Variants in ELAVL2 observed in about 807,000 individuals in gnomAD.
ELAVL2 encodes ELAV like RNA binding protein 2.
ELAVL2 carries 4 observed loss-of-function variants against 34.6 expected under a neutral mutation model. The observed-to-expected ratio is 0.12, with a 90% CI of 0.06 to 0.26. The LOEUF (loss-of-function observed/expected upper bound fraction) is 0.26, where lower values mean the gene tolerates loss of function less well. Among genes scored for constraint, ELAVL2 ranks in the 10% least tolerant of loss-of-function variants. The pLI is 1.00. For synonymous variants in ELAVL2, 193 were observed against 154.8 expected, an observed-to-expected ratio of 1.25 and a Z score of -1.83; for missense variants, 432 against 442.8, an observed-to-expected ratio of 0.98 and a Z score of 0.22.
At chr9:23,833,359 G>C in the ELAVL2 span, among the ~76,000 whole-genome samples, 1 of 151,702 alleles carries the variant, frequency 6.6e-6, no homozygotes, top group African/African-American at 2.4e-5. Context: ...CTTAAGCTAT[G>C]ATTTTTATTT....
chr9:23,762,606 T>C (rs1489176606), intron 1 of ELAVL2, among the ~76,000 whole-genome samples: 1 of 151,906 alleles, frequency 6.6e-6, no homozygotes, highest in Non-Finnish European at 1.5e-5. Flanking sequence ...TAACTAAAAA[T>C]CATACTAGAA....
chr9:23,743,602 G>C (rs2049805973), intron 2 of ELAVL2, among the ~76,000 whole-genome samples: 1 of 152,040 alleles, frequency 6.6e-6, no homozygotes, highest in Admixed American at 6.6e-5. Context: ...CATATACCCA[G>C]CAACTTAGTA....
chr9:23,800,387 C>T (rs731324), intron 1 of ELAVL2, among the ~76,000 whole-genome samples: 133 of 152,298 alleles, frequency 8.7e-4, no homozygotes, highest in African/African-American at 2.7e-3. Context: ...CCCTTCACAA[C>T]CCGGGATGGT....
chr9:23,762,878 T>TTTTC (rs2055355395), intron 1 of ELAVL2, among the ~76,000 whole-genome samples: 2 of 151,836 alleles, frequency 1.3e-5, no homozygotes, highest in African/African-American at 4.8e-5. Context: ...TTTTAGGGAG[T>TTTTC]GGAAAGGAAC....
chr9:23,740,243 T>C (rs16907685), intron 2 of ELAVL2, among the ~76,000 whole-genome samples: 6,992 of 152,238 alleles, frequency 0.046, 246 homozygotes, highest in Middle Eastern at 0.15. Context: ...AACTAAACTA[T>C]CAAGCAACTA....
At chr9:23,781,512 T>TC (rs2059057838) in intron 1 of ELAVL2, among the ~76,000 whole-genome samples, 1 of 149,136 alleles carries the variant, frequency 6.7e-6, no homozygotes, top group African/African-American at 2.5e-5. Flanking sequence ...TTCTTTTTTT[T>TC]CTTTCCTTTT....
Position 23,704,930 on chromosome 9 carries a change from C to T in ELAVL2, c.475G>A (p.Asp159Asn). The T allele has an allele frequency of 1.9e-6, 3 of 1,613,942 alleles. No individual in the cohort carries two copies. Among genetic ancestry groups the T allele is most frequent in the Non-Finnish European group, 2.5e-6 (3 of 1,179,946 alleles). The change falls in exon 4 of 7, where the codon GAC becomes AAC. Residue 159 changes from aspartate to asparagine, a missense_variant. By Grantham distance (23) the Asp-to-Asn change is conservative. Transcript: ENST00000397312. ...GCTGTCTACTTACCAGTGACCTGGT[C>T]GACAAGAATACGAGAAGTAATAATG... ...GRIITSRILV[D>N]QVTGISRGVG...
At chr9:23,783,560 G>T (rs2059336613) in intron 1 of ELAVL2, 2 of 935,708 alleles carry the variant, frequency 2.1e-6, no homozygotes, top group Non-Finnish European at 1.3e-6. Context: ...CCACTAAAAG[G>T]ACACAGAAGA....
chr9:23,808,232 C>A (rs2062505315), intron 1 of ELAVL2, among the ~76,000 whole-genome samples: 2 of 152,038 alleles, frequency 1.3e-5, no homozygotes. Context: ...GTGTTATAAG[C>A]CTTAAAGGTT....
the ELAVL2 span, among the ~76,000 whole-genome samples, chr9:23,834,310 A>G: frequency 6.6e-6 from 1 of 152,050 alleles, no homozygotes; most frequent in East Asian, 1.9e-4. Context: ...TAGGAACATC[A>G]TAGAAGGGAT....
chr9:23,739,297 A>G (rs974535579), intron 2 of ELAVL2, among the ~76,000 whole-genome samples: 3 of 152,188 alleles, frequency 2.0e-5, no homozygotes, highest in Non-Finnish European at 4.4e-5. Context: ...ACTTATTGAT[A>G]TAGGTAGTTT....
chr9:23,697,128 C>A (rs1046158208), intron 5 of ELAVL2, among the ~76,000 whole-genome samples: 3 of 151,710 alleles, frequency 2.0e-5, no homozygotes, highest in Non-Finnish European at 4.4e-5. Flanking sequence ...ACACAGCAAG[C>A]AGATATGGAG....
chr9:23,700,136 G>GTTATATTTGTGA (rs1220762615), intron 5 of ELAVL2, among the ~76,000 whole-genome samples: 2 of 151,916 alleles, frequency 1.3e-5, no homozygotes, highest in African/African-American at 4.8e-5. Flanking sequence ...ATCTTATTAG[G>GTTATATTTGTGA]TTATATTTGT....
Position 23,691,088 on chromosome 9 carries a change from ACTAT to A in ELAVL2, c.*1465_*1468del, listed in dbSNP as rs2033019777. On this transcript the variant is annotated 3_prime_UTR_variant, in exon 7 of 7. Coordinates refer to ENST00000397312, the MANE Select transcript of ELAVL2 (RefSeq NM_004432.5). Reference sequence around the variant, plus strand: ...CATCACCATAAACAGCTGAAGCTAGACTATCTACAGACAAAATTTGCAACAAATC... The same window carrying A: ...CATCACCATAAACAGCTGAAGCTAGACTACAGACAAAATTTGCAACAAATC... 6.6e-6 allele frequency: 1 copy of A among 152,594 alleles called. No individual in the cohort carries two copies. The highest frequency in any genetic ancestry group is 1.5e-5 in the Non-Finnish European group (1 of 67,990). 9.5% of individuals were successfully genotyped at this position (152,594 alleles called of 1,614,324 possible).
upstream of ELAVL2, among the ~76,000 whole-genome samples, chr9:23,829,142 G>C (rs891845222): frequency 1.3e-5 from 2 of 152,122 alleles, no homozygotes; most frequent in Admixed American, 6.5e-5. Flanking sequence ...CAAGTTCCTG[G>C]CATTATTTTG....
At chr9:23,768,012 G>A (rs547081733) in intron 1 of ELAVL2, among the ~76,000 whole-genome samples, 2 of 152,198 alleles carry the variant, frequency 1.3e-5, no homozygotes, top group South Asian at 4.1e-4. Context: ...CCTGACCTGG[G>A]CTCTCATCTT....
intron 1 of ELAVL2, among the ~76,000 whole-genome samples, chr9:23,776,915 A>G (rs1289614928): frequency 6.6e-6 from 1 of 152,128 alleles, no homozygotes; most frequent in Non-Finnish European, 1.5e-5. Context: ...ACTGAACATT[A>G]AAGTGGACTT....
At chr9:23,793,537 T>G (rs77153863) in intron 1 of ELAVL2, among the ~76,000 whole-genome samples, 1 of 152,064 alleles carries the variant, frequency 6.6e-6, no homozygotes, top group African/African-American at 2.4e-5. Context: ...ACAAAACTAA[T>G]AGAGTCTCTC....
At chr9:23,766,279 T>C (rs1025648968) in intron 1 of ELAVL2, among the ~76,000 whole-genome samples, 2 of 152,314 alleles carry the variant, frequency 1.3e-5, no homozygotes, top group East Asian at 3.9e-4. Context: ...CAAGAGATTT[T>C]GGTCTGACCC....
Sources: allele counts gnomAD v4.1 joint callset (sites outside exome capture counted in the v4.1 genomes callset), GRCh38; gene constraint gnomAD v4.1.1; transcripts MANE v1.5; gene names NCBI Gene and HGNC (gene_info 2026-07-23, HGNC 2026-07-21).